Variants in WDFY1 observed in about 807,000 individuals in gnomAD.
WDFY1 encodes WD repeat and FYVE domain-containing protein 1.
WDFY1 carries 32 observed loss-of-function variants against 56.4 expected under a neutral mutation model. The ratio of observed to expected loss-of-function variants is 0.57; its 90% confidence interval spans 0.43 to 0.76. The LOEUF (loss-of-function observed/expected upper bound fraction) is 0.76. Ranked by LOEUF, WDFY1 falls within the 30% of genes least tolerant of loss-of-function variation. The pLI, the probability that WDFY1 is intolerant of heterozygous loss-of-function variation, is 0.00. For synonymous variants in WDFY1, 192 were observed against 197.3 expected (o/e 0.97, Z 0.23); for missense variants, 480 against 545.7 (o/e 0.88, Z 1.20).
intron 1 of WDFY1, among the ~76,000 whole-genome samples, chr2:223,944,270 C>A (rs536264300): frequency 1.3e-5 from 2 of 152,210 alleles, no homozygotes; most frequent in African/African-American, 4.8e-5. Flanking sequence ...CAGTGACCAG[C>A]CGCCGGTCCT....
At position 223,921,549 on chromosome 2, in the gene WDFY1, C is replaced by T. The variant is rs1693885110; in HGVS notation, c.138-3539G>A. On this transcript the variant is annotated intron_variant, in intron 1 of 11. Coordinates refer to ENST00000233055, the MANE Select transcript of WDFY1 (RefSeq NM_020830.5). ...TAAAATAGGTAGACTTACTTAAATC[C>T]TAATTCAAACTAAAAGATATGTATA... Among the ~76,000 whole-genome samples the T allele has an allele frequency of 3.3e-5, 5 of 151,700 alleles. No individual in the cohort carries two copies. The South Asian group carries it at 1.0e-3, about 32-fold the overall frequency.
intron 1 of WDFY1, among the ~76,000 whole-genome samples, chr2:223,928,881 T>C (rs944821243): frequency 1.3e-5 from 2 of 152,098 alleles, no homozygotes; most frequent in African/African-American, 4.8e-5. Flanking sequence ...GGATTCAACG[T>C]GTCTGCAGAT....
At chr2:223,879,506 A>G (rs1693029385) in intron 11 of WDFY1, among the ~76,000 whole-genome samples, 1 of 151,964 alleles carries the variant, frequency 6.6e-6, no homozygotes, top group Non-Finnish European at 1.5e-5. Flanking sequence ...AAATCCCCCC[A>G]AAATTAGCCA....
chr2:223,915,157 G>A (rs1166188444), intron 2 of WDFY1, among the ~76,000 whole-genome samples: 2 of 152,188 alleles, frequency 1.3e-5, no homozygotes, highest in Non-Finnish European at 2.9e-5. Context: ...TGGTGTATCT[G>A]CAGTTTTATC....
chr2:223,883,061 T>A (rs945491154), intron 9 of WDFY1, among the ~76,000 whole-genome samples: 1 of 152,116 alleles, frequency 6.6e-6, no homozygotes, highest in South Asian at 2.1e-4. Flanking sequence ...TATTTATTTA[T>A]TTTTATAGAG....
chr2:223,898,854 G>T, intron 6 of WDFY1, 104 bp downstream of exon 6: 2 of 849,892 alleles, frequency 2.4e-6, no homozygotes, highest in Non-Finnish European at 3.9e-6. Context: ...AATGAAATCT[G>T]ACAGATCATG....
Position 223,895,495 on chromosome 2 carries a change from G to A in WDFY1, c.725+9C>T. 5 of 1,613,806 alleles carry A rather than the reference G, an allele frequency of 3.1e-6. No individual in the cohort carries two copies. Among genetic ancestry groups the A allele is most frequent in the Non-Finnish European group, 3.4e-6 (4 of 1,179,826 alleles). On this transcript the variant is annotated intron_variant, in intron 7 of 11. Coordinates refer to ENST00000233055, the MANE Select transcript of WDFY1 (RefSeq NM_020830.5). ...GATTCTTTCCCCACCCCCACAAGTG[G>A]TCACGCACTGATGGCCCTGAAGTAA...
chr2:223,914,667 A>C (rs182872380), intron 2 of WDFY1, among the ~76,000 whole-genome samples: 48 of 152,344 alleles, frequency 3.2e-4, no homozygotes, highest in South Asian at 1.7e-3. Context: ...ATAGATGAGC[A>C]TGGATTGGAA....
chr2:223,901,725 T>C (rs1048161130), intron 4 of WDFY1, among the ~76,000 whole-genome samples: 1 of 151,990 alleles, frequency 6.6e-6, no homozygotes. Flanking sequence ...GTTGTAACAG[T>C]GCAATGTTTT....
chr2:223,880,789 T>C (rs1437355125), intron 10 of WDFY1, among the ~76,000 whole-genome samples: 2 of 151,144 alleles, frequency 1.3e-5, no homozygotes, highest in African/African-American at 4.9e-5. Flanking sequence ...CTGGAAAGGC[T>C]GATACATTCC....
At chr2:223,935,983 A>G (rs569023222) in intron 1 of WDFY1, among the ~76,000 whole-genome samples, 5 of 152,234 alleles carry the variant, frequency 3.3e-5, no homozygotes, top group African/African-American at 1.2e-4. Context: ...ACTGGACACA[A>G]AAGAACCATA....
intron 8 of WDFY1, among the ~76,000 whole-genome samples, chr2:223,891,953 A>G (rs1462378586): frequency 6.6e-6 from 1 of 152,166 alleles, no homozygotes; most frequent in Non-Finnish European, 1.5e-5. Context: ...CAAATATAGT[A>G]TTATGCATCC....
At chr2:223,942,859 T>C (rs960478941) in intron 1 of WDFY1, among the ~76,000 whole-genome samples, 1 of 150,656 alleles carries the variant, frequency 6.6e-6, no homozygotes, top group African/African-American at 2.4e-5. Flanking sequence ...TAAAGAGTGT[T>C]GTCTGCATCT....
chr2:223,903,810 T>G (rs778482730), intron 4 of WDFY1, among the ~76,000 whole-genome samples: 13 of 152,064 alleles, frequency 8.5e-5, no homozygotes, highest in Non-Finnish European at 1.5e-4. Context: ...CCACCATGGC[T>G]GGCTACATTT....
intron 6 of WDFY1, among the ~76,000 whole-genome samples, chr2:223,897,504 T>C (rs1459406563): frequency 6.6e-6 from 1 of 151,268 alleles, no homozygotes. Flanking sequence ...TCAGCCTCCC[T>C]GAGTAGCTGG....
chr2:223,893,066 T>C (rs573196791), intron 8 of WDFY1, among the ~76,000 whole-genome samples: 5 of 152,330 alleles, frequency 3.3e-5, no homozygotes, highest in South Asian at 2.1e-4. Context: ...AATGGAAACC[T>C]TGATTGGAAA....
intron 1 of WDFY1, among the ~76,000 whole-genome samples, chr2:223,919,830 T>C (rs929993606): frequency 4.6e-5 from 7 of 152,160 alleles, no homozygotes; most frequent in African/African-American, 7.2e-5. Flanking sequence ...GTGGGATGCA[T>C]AGGCAGCGTG....
intron 6 of WDFY1, among the ~76,000 whole-genome samples, chr2:223,896,659 G>A (rs1693386203): frequency 6.6e-6 from 1 of 152,100 alleles, no homozygotes; most frequent in African/African-American, 2.4e-5. Flanking sequence ...AGCCACACAA[G>A]CTAATAATAA....
chr2:223,883,020 T>C (rs1249465217), intron 9 of WDFY1, among the ~76,000 whole-genome samples: 3 of 152,170 alleles, frequency 2.0e-5, no homozygotes, highest in Non-Finnish European at 2.9e-5. Context: ...TGAGCCACCA[T>C]GCCCAGCCTA....
Sources: allele counts gnomAD v4.1 joint callset (sites outside exome capture counted in the v4.1 genomes callset), GRCh38; gene constraint gnomAD v4.1.1; transcripts MANE v1.5; gene names NCBI Gene and HGNC (gene_info 2026-07-23, HGNC 2026-07-21).